USH2A: variants seen among roughly 807,000 people sequenced by gnomAD.
The protein encoded by USH2A is usherin.
Under a neutral mutation model 538.9 loss-of-function variants are expected in USH2A, and 443 were observed. The observed-to-expected ratio is 0.82, with a 90% CI of 0.76 to 0.89. The LOEUF is 0.89. USH2A is among the 40% of genes least tolerant of loss of function. The pLI is 0.00. For synonymous variants in USH2A, 2,413 were observed against 2,273.5 expected, an observed-to-expected ratio of 1.06 and a Z score of -1.75; for missense variants, 6,633 against 6,324.8, an observed-to-expected ratio of 1.05 and a Z score of -1.65.
intron 34 of USH2A, among the ~76,000 whole-genome samples, chr1:215,996,099 TG>T (rs1231786401): frequency 2.3e-4 from 35 of 152,084 alleles, no homozygotes; most frequent in Non-Finnish European, 3.8e-4. Context: ...TAAGTAGAGA[TG>T]GGTTTTCGCC....
chr1:215,961,611 T>C (rs1456863379), intron 37 of USH2A, among the ~76,000 whole-genome samples: 1 of 151,490 alleles, frequency 6.6e-6, no homozygotes, highest in Non-Finnish European at 1.5e-5. Context: ...GAGGACTAGA[T>C]CTACAAGGCA....
At chr1:216,162,937 GCAT>G (rs2034088129) in intron 21 of USH2A, among the ~76,000 whole-genome samples, 2 of 152,076 alleles carry the variant, frequency 1.3e-5, no homozygotes, top group Admixed American at 1.3e-4. Context: ...TTATTTTTCA[GCAT>G]CAATCTTCTC....
At chr1:215,873,188 T>C (rs939808273) in intron 43 of USH2A, among the ~76,000 whole-genome samples, 6 of 152,140 alleles carry the variant, frequency 3.9e-5, no homozygotes, top group Non-Finnish European at 7.4e-5. Context: ...GAAAGACATG[T>C]TTACTCCTTT....
chr1:216,293,947 C>T (rs543080839), intron 9 of USH2A, among the ~76,000 whole-genome samples: 26 of 152,236 alleles, frequency 1.7e-4, no homozygotes, highest in East Asian at 5.8e-4. Context: ...ACTTGAGTTA[C>T]GTTGTTGGAG....
chr1:216,266,515 G>T (rs374595612), intron 11 of USH2A, among the ~76,000 whole-genome samples: 44 of 152,060 alleles, frequency 2.9e-4, no homozygotes, highest in African/African-American at 1.1e-3. Context: ...GATTTGCAAG[G>T]ATTCAAAACT....
At chr1:216,246,465 A>G (rs1266567414) in intron 13 of USH2A, 120 bp downstream of exon 13, 1 of 1,243,606 alleles carries the variant, frequency 8.0e-7, no homozygotes, top group African/African-American at 1.5e-5. Flanking sequence ...TGATATAAAT[A>G]CAGTAATGAT....
intron 3 of USH2A, among the ~76,000 whole-genome samples, chr1:216,388,351 T>C (rs2102742809): frequency 6.6e-6 from 1 of 151,960 alleles, no homozygotes; most frequent in Middle Eastern, 3.4e-3. Flanking sequence ...TTTCCAGATT[T>C]CCTCTTTTGC....
At chr1:215,854,636 T>C (rs1344245785) in intron 44 of USH2A, among the ~76,000 whole-genome samples, 1 of 152,150 alleles carries the variant, frequency 6.6e-6, no homozygotes, top group Non-Finnish European at 1.5e-5. Context: ...CCCAAATGGG[T>C]CTTCCAGTCC....
chr1:215,997,450 A>G (rs559140715), intron 34 of USH2A, among the ~76,000 whole-genome samples: 2 of 152,278 alleles, frequency 1.3e-5, no homozygotes, highest in African/African-American at 4.8e-5. Flanking sequence ...AGACTTGAAG[A>G]AAATAAAACT....
chr1:216,336,422 G>T (rs755338117), intron 4 of USH2A, among the ~76,000 whole-genome samples: 1 of 150,976 alleles, frequency 6.6e-6, no homozygotes, highest in African/African-American at 2.4e-5. Context: ...GCAAGCAGAA[G>T]AAATAAATCT....
chr1:216,054,587 T>A (rs909772749), intron 30 of USH2A, among the ~76,000 whole-genome samples: 1 of 152,110 alleles, frequency 6.6e-6, no homozygotes, highest in Admixed American at 6.6e-5. Context: ...GGATCCTTTT[T>A]AAAGCCGAGC....
At chr1:216,143,179 C>T (rs1408791125) in intron 21 of USH2A, among the ~76,000 whole-genome samples, 1 of 152,130 alleles carries the variant, frequency 6.6e-6, no homozygotes, top group Non-Finnish European at 1.5e-5. Flanking sequence ...CAATCAAGGG[C>T]TAAAGATTGC....
At chr1:216,123,587 T>C (rs66748591) in intron 21 of USH2A, among the ~76,000 whole-genome samples, 1 of 142,000 alleles carries the variant, frequency 7.0e-6, no homozygotes, top group East Asian at 2.3e-4. Context: ...TCCCTTTTTT[T>C]CGCATTATTG....
At position 215,817,391 on chromosome 1, in the gene USH2A, T is replaced by A. The variant is rs12137445; in HGVS notation, c.9372-196A>T. ...AAGAATAACACATGGCGTGAGGTGG[T>A]TTATTACTTTCAGTTTCAAAGACAA... is the stretch of plus-strand genomic sequence containing the variant. On this transcript the variant is annotated intron_variant, in intron 47 of 71. Coordinates refer to ENST00000307340, the MANE Select transcript of USH2A (RefSeq NM_206933.4). Among the ~76,000 whole-genome samples the A allele has an allele frequency of 0.034, 5,168 of 151,922 alleles. 99 individuals are homozygous for A. The highest frequency in any genetic ancestry group is 0.05 in the African/African-American group (2,080 of 41,494).
chr1:215,713,540 C>A (rs1461076890), intron 61 of USH2A, among the ~76,000 whole-genome samples: 1 of 152,112 alleles, frequency 6.6e-6, no homozygotes, highest in African/African-American at 2.4e-5. Flanking sequence ...CAGAGACTTG[C>A]CATCAGATGT....
intron 21 of USH2A, among the ~76,000 whole-genome samples, chr1:216,119,588 G>A (rs1240427512): frequency 6.6e-6 from 1 of 151,952 alleles, no homozygotes; most frequent in African/African-American, 2.4e-5. Flanking sequence ...AAAAGATGAT[G>A]TATTTTAATT....
chr1:216,031,250 C>G (rs1360386098), intron 32 of USH2A, among the ~76,000 whole-genome samples: 1 of 152,014 alleles, frequency 6.6e-6, no homozygotes, highest in East Asian at 1.9e-4. Flanking sequence ...AATGATGTCA[C>G]TAGGCTTTAC....
At chr1:216,077,598 T>C (rs1431388727) in intron 27 of USH2A, among the ~76,000 whole-genome samples, 1 of 148,932 alleles carries the variant, frequency 6.7e-6, no homozygotes, top group Non-Finnish European at 1.5e-5. Flanking sequence ...ATTATGTATG[T>C]ACACACATAT....
intron 34 of USH2A, among the ~76,000 whole-genome samples, 170 bp from the exon 35 acceptor site, chr1:215,993,337 C>T (rs539919826): frequency 6.6e-6 from 1 of 152,204 alleles, no homozygotes; most frequent in South Asian, 2.1e-4. Flanking sequence ...ATTTAATTTG[C>T]TTTTTAAGAC....
Sources: allele counts gnomAD v4.1 joint callset (sites outside exome capture counted in the v4.1 genomes callset), GRCh38; gene constraint gnomAD v4.1.1; transcripts MANE v1.5; gene names NCBI Gene and HGNC (gene_info 2026-07-23, HGNC 2026-07-21).